IGSF21: variants seen among roughly 807,000 people sequenced by gnomAD.
IGSF21 encodes the protein immunoglobin superfamily member 21, also known as immunoglobulin superfamily member 21.
Under a neutral mutation model 46.8 loss-of-function variants are expected in IGSF21, and 28 were observed. That is an observed-to-expected ratio of 0.60 (90% CI 0.44 to 0.82). The LOEUF (loss-of-function observed/expected upper bound fraction) is 0.82. IGSF21 is among the 40% of genes least tolerant of loss of function. The pLI, the probability that IGSF21 is intolerant of heterozygous loss-of-function variation, is 0.00. For missense variants in IGSF21, 624 were observed against 665.5 expected, an observed-to-expected ratio of 0.94 and a Z score of 0.69; for synonymous variants, 284 against 273.6, an observed-to-expected ratio of 1.04 and a Z score of -0.38.
chr1:18,233,773 C>T (rs544241649), intron 2 of IGSF21, among the ~76,000 whole-genome samples: 20 of 152,224 alleles, frequency 1.3e-4, no homozygotes, highest in Non-Finnish European at 2.6e-4. Flanking sequence ...TGGGCAGAGA[C>T]AACGCTTTAA....
At chr1:18,324,125 C>A (rs1189055625) in intron 3 of IGSF21, among the ~76,000 whole-genome samples, 2 of 152,174 alleles carry the variant, frequency 1.3e-5, no homozygotes, top group Non-Finnish European at 2.9e-5. Flanking sequence ...AATGGCCGGG[C>A]TCCTGACTGG....
intron 1 of IGSF21, among the ~76,000 whole-genome samples, chr1:18,205,759 CTT>C (rs1310641343): frequency 1.3e-5 from 2 of 152,186 alleles, no homozygotes; most frequent in African/African-American, 2.4e-5. Flanking sequence ...TGGAATCAGA[CTT>C]AGGAGAAATT....
At position 18,255,595 on chromosome 1, in the gene IGSF21, C is replaced by G. The variant is rs78664745; in HGVS notation, c.183+27585C>G. ...CTGTTCATCTCTGTTCTAAATCATT[C>G]CCTCTTTCTTTCCCTGAAACTCCCT... On this transcript the variant is annotated intron_variant, in intron 2 of 9. Transcript: ENST00000251296. Among the ~76,000 whole-genome samples, 566 of 152,158 alleles carry G rather than the reference C, an allele frequency of 3.7e-3. 6 individuals carry two copies. The highest frequency in any genetic ancestry group is 0.013 in the African/African-American group (530 of 41,474).
At chr1:18,193,820 G>A (rs1193956048) in intron 1 of IGSF21, among the ~76,000 whole-genome samples, 1 of 152,136 alleles carries the variant, frequency 6.6e-6, no homozygotes, top group African/African-American at 2.4e-5. Flanking sequence ...GGATGGACAG[G>A]GTGGGTGTTT....
At chr1:18,339,215 A>G (rs1265643395) in intron 4 of IGSF21, among the ~76,000 whole-genome samples, 2 of 152,180 alleles carry the variant, frequency 1.3e-5, no homozygotes, top group African/African-American at 4.8e-5. Context: ...TAAGGGGTAC[A>G]TCCACGTGAG....
intron 1 of IGSF21, among the ~76,000 whole-genome samples, chr1:18,183,285 A>G (rs1372970343): frequency 6.6e-6 from 1 of 152,208 alleles, no homozygotes. Context: ...GGCACCATCT[A>G]GCTCTGAGGT....
intron 2 of IGSF21, among the ~76,000 whole-genome samples, chr1:18,271,854 G>A (rs577264841): frequency 5.3e-5 from 8 of 152,324 alleles, no homozygotes; most frequent in African/African-American, 1.9e-4. Context: ...AGCTGGCATG[G>A]AGGATGGCAC....
chr1:18,124,253 G>C (rs1321863361), intron 1 of IGSF21, among the ~76,000 whole-genome samples: 2 of 152,204 alleles, frequency 1.3e-5, no homozygotes, highest in Non-Finnish European at 2.9e-5. Flanking sequence ...GATAACAGTA[G>C]CAAATGCTTA....
intron 3 of IGSF21, among the ~76,000 whole-genome samples, chr1:18,304,227 G>A (rs549782359): frequency 6.6e-6 from 1 of 152,338 alleles, no homozygotes. Flanking sequence ...GACTTGCTCT[G>A]GCTGAGGGTG....
intron 1 of IGSF21, among the ~76,000 whole-genome samples, chr1:18,214,088 G>T (rs1484605446): frequency 1.3e-5 from 2 of 152,128 alleles, no homozygotes; most frequent in Admixed American, 1.3e-4. Flanking sequence ...TATCAATAAT[G>T]AAACACATAT....
chr1:18,345,828 G>T (rs1009292319), intron 4 of IGSF21, among the ~76,000 whole-genome samples: 3 of 152,212 alleles, frequency 2.0e-5, no homozygotes, highest in Non-Finnish European at 4.4e-5. Flanking sequence ...GTTATAAAAT[G>T]TGCCCAAGGA....
Position 18,337,905 on chromosome 1 carries a change from A to G in IGSF21, c.424+2895A>G, listed in dbSNP as rs562555711. Among the ~76,000 whole-genome samples the G allele has an allele frequency of 2.0e-5, 3 of 152,274 alleles. No individual in the cohort carries two copies. In the South Asian group the frequency reaches 6.2e-4, roughly 32 times the overall value. On this transcript the variant is annotated intron_variant, in intron 4 of 9. Coordinates refer to ENST00000251296, the MANE Select transcript of IGSF21 (RefSeq NM_032880.5). This position sits in a 1 kb window ranked among gnomAD's most constrained non-coding sequence, Gnocchi z 5.7. ...AGGGAATGAATTTGCTCCAGGCCTT[A>G]TAGGGTGGGGGTTATCTCTGTGCCA...
At chr1:18,305,884 G>A (rs2085421524) in intron 3 of IGSF21, among the ~76,000 whole-genome samples, 1 of 152,206 alleles carries the variant, frequency 6.6e-6, no homozygotes, top group South Asian at 2.1e-4. Context: ...GACACATTGA[G>A]TAACTTGCTT....
At chr1:18,240,884 G>T (rs550030521) in intron 2 of IGSF21, among the ~76,000 whole-genome samples, 1 of 152,224 alleles carries the variant, frequency 6.6e-6, no homozygotes, top group Non-Finnish European at 1.5e-5. Flanking sequence ...GCTGCCTCAA[G>T]CTCAGCTGCG....
rs1283022546 is a variant in IGSF21 at position 18,338,316 on chromosome 1, C to T, written c.424+3306C>T. On this transcript the variant is annotated intron_variant, in intron 4 of 9. Transcript: ENST00000251296. ...GGCAGGTTTCAAAAATTAAAATCGACTCATTGCTTTGGTTCATCTGTGGCA... is the reference window on the plus strand; with the variant it reads ...GGCAGGTTTCAAAAATTAAAATCGATTCATTGCTTTGGTTCATCTGTGGCA... Among the ~76,000 whole-genome samples the T allele has an allele frequency of 2.6e-5, 4 of 152,346 alleles. No individual in the cohort carries two copies. In the East Asian group the frequency reaches 5.8e-4, roughly 22 times the overall value.
chr1:18,140,889 G>C (rs2086409437), intron 1 of IGSF21, among the ~76,000 whole-genome samples: 1 of 152,194 alleles, frequency 6.6e-6, no homozygotes, highest in South Asian at 2.1e-4. Flanking sequence ...TTGCTGCCCA[G>C]CTCTCTGGGG....
At chr1:18,292,985 C>T (rs935833194) in intron 3 of IGSF21, among the ~76,000 whole-genome samples, 1 of 152,220 alleles carries the variant, frequency 6.6e-6, no homozygotes, top group Non-Finnish European at 1.5e-5. Flanking sequence ...CGTGCTGCAT[C>T]GGGTACCGTG....
At chr1:18,370,213 A>G (rs914694912) in intron 6 of IGSF21, among the ~76,000 whole-genome samples, 3 of 152,190 alleles carry the variant, frequency 2.0e-5, no homozygotes, top group Non-Finnish European at 4.4e-5. Flanking sequence ...TACTTAAAAT[A>G]TAAATCAGAT....
At chr1:18,276,292 G>A (rs1000653653) in intron 2 of IGSF21, among the ~76,000 whole-genome samples, 1 of 152,128 alleles carries the variant, frequency 6.6e-6, no homozygotes, top group Non-Finnish European at 1.5e-5. Context: ...TGGTCTGCAG[G>A]GGTCAAGGCA....
Sources: gnomAD v4.1 joint callset for allele counts (sites outside exome capture counted in the v4.1 genomes callset) on GRCh38, gnomAD v4.1.1 for gene constraint, Gnocchi (gnomAD v3.1) non-coding constraint, MANE v1.5 for transcripts, NCBI Gene and HGNC (gene_info 2026-07-23, HGNC 2026-07-21) for gene names.